The following ARHGEF26 variants were observed in gnomAD, a reference collection of about 807,000 sequenced individuals.
ARHGEF26 encodes Rho guanine nucleotide exchange factor 26.
In ARHGEF26, 59 loss-of-function variants were observed where a neutral mutation model predicts 89.4. The observed-to-expected ratio is 0.66, with a 90% CI of 0.54 to 0.82. The LOEUF (loss-of-function observed/expected upper bound fraction) is 0.82. ARHGEF26 is among the 40% of genes least tolerant of loss of function. The pLI, the probability that ARHGEF26 is intolerant of heterozygous loss-of-function variation, is 0.00. For synonymous variants in ARHGEF26, 500 were observed against 428.4 expected (o/e 1.17, Z -2.06); for missense variants, 1,234 against 1,085.6 (o/e 1.14, Z -1.92).
At chr3:154,249,609 C>T (rs1430383258) in intron 12 of ARHGEF26, among the ~76,000 whole-genome samples, 4 of 152,102 alleles carry the variant, frequency 2.6e-5, no homozygotes, top group African/African-American at 9.7e-5. Flanking sequence ...TGTGTGTTCC[C>T]TCATACTGAG....
In ARHGEF26 at chr3:154,217,418, G is replaced by T. The variant is rs1035689407; in HGVS notation, c.1846-451G>T. On this transcript the variant is annotated intron_variant, in intron 9 of 14. Coordinates refer to ENST00000465093, the MANE Select transcript of ARHGEF26 (RefSeq NM_015595.4). ...TCTTGTAAATTTGTTTGAGTTCATTGTAGATTCTGGATATTAGCCCTTTGT... is the reference window on the plus strand; with the variant it reads ...TCTTGTAAATTTGTTTGAGTTCATTTTAGATTCTGGATATTAGCCCTTTGT... Among the ~76,000 whole-genome samples, 6 of 152,096 alleles carry T rather than the reference G, an allele frequency of 3.9e-5. No homozygotes were observed. In the East Asian group the frequency reaches 1.2e-3, roughly 29 times the overall value.
chr3:154,201,058 T>A (rs1230818092), intron 9 of ARHGEF26, among the ~76,000 whole-genome samples: 2 of 152,110 alleles, frequency 1.3e-5, no homozygotes, highest in Non-Finnish European at 2.9e-5. Context: ...GGTGCAGGTT[T>A]GTTACGTATG....
chr3:154,161,276 A>G lies in ARHGEF26; in HGVS notation c.1487+8344A>G, dbSNP rs866788909. Among the ~76,000 whole-genome samples the G allele has an allele frequency of 2.6e-5, 4 of 152,200 alleles. 1 individual carries two copies. The South Asian group carries it at 6.2e-4, about 24-fold the overall frequency. On this transcript the variant is annotated intron_variant, in intron 6 of 14. Coordinates refer to ENST00000465093, the MANE Select transcript of ARHGEF26 (RefSeq NM_015595.4). The stretch of plus-strand genomic sequence containing the variant: ...TCATTATTAGGTTTTGCAGGAAACA[A>G]TAAGTTGAGTATTACAGCAGAAATA...
intron 5 of ARHGEF26, 55 bp downstream of exon 5, chr3:154,149,500 T>G (rs1228414594): frequency 2.5e-5 from 37 of 1,466,282 alleles, no homozygotes; most frequent in Non-Finnish European, 3.7e-6. Context: ...TGTCGGTGTC[T>G]GCTTTTTTGT....
intron 5 of ARHGEF26, 94 bp from the exon 6 acceptor site, chr3:154,152,678 A>T: frequency 1.1e-6 from 1 of 923,146 alleles, no homozygotes; most frequent in Non-Finnish European, 1.5e-6. Flanking sequence ...TGAAAAGTGG[A>T]GTATCTTGTT....
At chr3:154,124,527 A>G in intron 3 of ARHGEF26, 78 bp downstream of exon 3, 1 of 1,255,724 alleles carries the variant, frequency 8.0e-7, no homozygotes, top group South Asian at 1.5e-5. Flanking sequence ...CAACTGCAGT[A>G]ACAAAAATGC....
At chr3:154,163,286 A>G (rs1437244654) in intron 6 of ARHGEF26, among the ~76,000 whole-genome samples, 1 of 152,184 alleles carries the variant, frequency 6.6e-6, no homozygotes, top group South Asian at 2.1e-4. Context: ...CACAGCCCCC[A>G]AAACCTATCA....
Position 154,140,337 on chromosome 3 carries a change from G to A in ARHGEF26, c.1270-9052G>A, listed in dbSNP as rs118117001. ...TGTAACAAGTCAGCTGAGAGGCCAG[G>A]ATGTTAAATGCGGCTGCTAGTTAAG... On this transcript the variant is annotated intron_variant, in intron 4 of 14. Coordinates refer to ENST00000465093, the MANE Select transcript of ARHGEF26 (RefSeq NM_015595.4). 6.4e-4 allele frequency among the ~76,000 whole-genome samples: 97 copies of A among 152,296 alleles called. No homozygotes were observed. The East Asian group carries it at 0.01, about 16-fold the overall frequency.
At chr3:154,202,090 C>T (rs897752300) in intron 9 of ARHGEF26, among the ~76,000 whole-genome samples, 1 of 152,072 alleles carries the variant, frequency 6.6e-6, no homozygotes, top group Admixed American at 6.6e-5. Flanking sequence ...ATGCCTATGT[C>T]CTGAATGGTA....
At chr3:154,235,393 A>T (rs1043189332) in intron 11 of ARHGEF26, among the ~76,000 whole-genome samples, 2 of 152,190 alleles carry the variant, frequency 1.3e-5, no homozygotes, top group South Asian at 2.1e-4. Context: ...TTCATTTTAT[A>T]TTCTAACTGG....
chr3:154,134,087 C>G (rs1204129966), intron 4 of ARHGEF26, among the ~76,000 whole-genome samples: 1 of 152,132 alleles, frequency 6.6e-6, no homozygotes, highest in East Asian at 1.9e-4. Context: ...GCTTAAGAAG[C>G]TTTCCGGCTG....
At chr3:154,216,496 T>TTA (rs1715744623) in intron 9 of ARHGEF26, among the ~76,000 whole-genome samples, 5 of 31,132 alleles carry the variant, frequency 1.6e-4, no homozygotes, top group Non-Finnish European at 2.7e-4. Flanking sequence ...TTTTTTATTT[T>TTA]TTTTTATTTT....
chr3:154,228,063 C>T (rs780804222), intron 11 of ARHGEF26, among the ~76,000 whole-genome samples: 1 of 152,072 alleles, frequency 6.6e-6, no homozygotes, highest in Admixed American at 6.6e-5. Flanking sequence ...CCTAGCTATC[C>T]CACATTTATT....
In ARHGEF26 at chr3:154,256,376, C is replaced by G; in HGVS notation, c.*903C>G. 1.3e-6 allele frequency: 1 copy of G among 756,398 alleles called. No homozygotes were observed. The highest frequency in any genetic ancestry group is 1.6e-6 in the Non-Finnish European group (1 of 622,602). 46.9% of individuals were successfully genotyped at this position (756,398 alleles called of 1,614,324 possible). Reference sequence around the variant, plus strand: ...TAGCTGGGATTGTAAGAGTATGCCACCACGCCCAGCTACTTTTTGTATTTT... The same window carrying G: ...TAGCTGGGATTGTAAGAGTATGCCAGCACGCCCAGCTACTTTTTGTATTTT... On this transcript the variant is annotated 3_prime_UTR_variant, in exon 15 of 15. Coordinates refer to ENST00000465093, the MANE Select transcript of ARHGEF26 (RefSeq NM_015595.4).
At chr3:154,172,366 G>A (rs1283978934) in intron 6 of ARHGEF26, among the ~76,000 whole-genome samples, 3 of 152,170 alleles carry the variant, frequency 2.0e-5, no homozygotes, top group Admixed American at 2.0e-4. Context: ...AATGTGGAAA[G>A]CACAGGTTGT....
chr3:154,250,388 G>GTT (rs1718065139), intron 12 of ARHGEF26, among the ~76,000 whole-genome samples: 1 of 151,814 alleles, frequency 6.6e-6, no homozygotes, highest in Non-Finnish European at 1.5e-5. Flanking sequence ...TCTAAGAGGG[G>GTT]GGGGTGGGAC....
chr3:154,196,938 G>A (rs1306071521), intron 9 of ARHGEF26, among the ~76,000 whole-genome samples: 2 of 151,946 alleles, frequency 1.3e-5, no homozygotes, highest in African/African-American at 4.8e-5. Flanking sequence ...ACTAGTAGTT[G>A]GTTGTTGAAT....
chr3:154,207,560 G>A (rs780331114), intron 9 of ARHGEF26, among the ~76,000 whole-genome samples: 9 of 152,028 alleles, frequency 5.9e-5, no homozygotes, highest in African/African-American at 1.4e-4. Flanking sequence ...ACCATCTCAC[G>A]CTAGTCAGAA....
intron 10 of ARHGEF26, among the ~76,000 whole-genome samples, chr3:154,224,416 T>C (rs1475190273): frequency 6.6e-6 from 1 of 152,164 alleles, no homozygotes; most frequent in Non-Finnish European, 1.5e-5. Context: ...AATAAAACAA[T>C]TTAAAAATCT....
Sources: allele counts gnomAD v4.1 joint callset (sites outside exome capture counted in the v4.1 genomes callset), GRCh38; gene constraint gnomAD v4.1.1; transcripts MANE v1.5; gene names NCBI Gene and HGNC (gene_info 2026-07-23, HGNC 2026-07-21).